S100Z: variants seen among roughly 807,000 people sequenced by gnomAD.
S100Z encodes protein S100-Z.
In S100Z, 11 loss-of-function variants were observed where a neutral mutation model predicts 8.5. The ratio of observed to expected loss-of-function variants is 1.30; its 90% confidence interval spans 0.82 to 2.15. The LOEUF is 2.15. S100Z is among the 30% of genes most tolerant of loss of function. S100Z has a pLI of 0.00. For synonymous variants in S100Z, 34 were observed against 43.8 expected (o/e 0.78, Z 0.89); for missense variants, 126 against 117.9 (o/e 1.07, Z -0.32).
At chr5:76,875,182 C>A in intron 2 of S100Z, 122 bp from the exon 3 acceptor site, 2 of 529,014 alleles carry the variant, frequency 3.8e-6, no homozygotes, top group Non-Finnish European at 3.2e-6. Context: ...TGAGCCACCG[C>A]GCCTGCGCAG....
At chr5:76,923,139 C>A (rs1472340053), downstream of S100Z, among the ~76,000 whole-genome samples, 1 of 152,050 alleles carries the variant, frequency 6.6e-6, no homozygotes, top group Non-Finnish European at 1.5e-5. Flanking sequence ...CAAAACATCT[C>A]TTTTTACATT....
intron 4 of S100Z, among the ~76,000 whole-genome samples, chr5:76,897,541 G>A (rs748283879): frequency 2.6e-5 from 4 of 151,872 alleles, no homozygotes; most frequent in Non-Finnish European, 5.9e-5. Flanking sequence ...ATCTTGATAA[G>A]GATTGCATTG....
At chr5:76,868,417 T>C (rs1184676718) in intron 1 of S100Z, among the ~76,000 whole-genome samples, 1 of 152,170 alleles carries the variant, frequency 6.6e-6, no homozygotes, top group African/African-American at 2.4e-5. Context: ...TGAATCAAAT[T>C]ACAGCATTAC....
intron 4 of S100Z, among the ~76,000 whole-genome samples, chr5:76,916,107 G>A (rs569060320): frequency 2.4e-3 from 364 of 149,380 alleles, no homozygotes; most frequent in African/African-American, 8.2e-3. Flanking sequence ...GTTGCAGTGA[G>A]CCGAGATTGT....
At chr5:76,875,922 C>T (rs1743176917) in intron 3 of S100Z, among the ~76,000 whole-genome samples, 1 of 152,060 alleles carries the variant, frequency 6.6e-6, no homozygotes, top group Non-Finnish European at 1.5e-5. Flanking sequence ...GCTATGGTGG[C>T]AAATTTTCTA....
chr5:76,885,061 A>G (rs1423978266), intron 4 of S100Z, among the ~76,000 whole-genome samples: 1 of 152,204 alleles, frequency 6.6e-6, no homozygotes, highest in Non-Finnish European at 1.5e-5. Context: ...AGAAATCATA[A>G]GTGCCGTTTT....
the S100Z span, among the ~76,000 whole-genome samples, chr5:76,942,950 C>T: frequency 1.3e-5 from 2 of 152,196 alleles, no homozygotes; most frequent in African/African-American, 4.8e-5. Context: ...AAACAACAGT[C>T]ATTTATTATC....
At chr5:76,903,640 A>T in intron 4 of S100Z, among the ~76,000 whole-genome samples, 1 of 151,948 alleles carries the variant, frequency 6.6e-6, no homozygotes, top group Middle Eastern at 3.4e-3. Flanking sequence ...GTGTTATCTC[A>T]TTGTAATTTT....
chr5:76,924,815 A>C (rs1745108029), downstream of S100Z, among the ~76,000 whole-genome samples: 1 of 152,030 alleles, frequency 6.6e-6, no homozygotes, highest in African/African-American at 2.4e-5. Flanking sequence ...CTGGAGGCTG[A>C]GGTAGGAGAA....
intron 4 of S100Z, among the ~76,000 whole-genome samples, chr5:76,884,811 G>A (rs549719725): frequency 5.7e-4 from 87 of 152,222 alleles, no homozygotes; most frequent in Middle Eastern, 3.4e-3. Flanking sequence ...CTGGCGAGGA[G>A]CAGCCTGGGG....
intron 4 of S100Z, among the ~76,000 whole-genome samples, chr5:76,884,452 C>T (rs974581072): frequency 8.5e-5 from 13 of 152,262 alleles, no homozygotes; most frequent in Admixed American, 2.0e-4. Context: ...AAACTCTTTC[C>T]CATTCATCCG....
the S100Z span, among the ~76,000 whole-genome samples, chr5:76,942,742 A>T: frequency 6.6e-6 from 1 of 152,156 alleles, no homozygotes; most frequent in African/African-American, 2.4e-5. Context: ...GTTTAGAAAT[A>T]GCCATCTGGG....
the S100Z span, among the ~76,000 whole-genome samples, chr5:76,931,801 A>C: frequency 1.3e-5 from 2 of 151,640 alleles, no homozygotes; most frequent in African/African-American, 2.4e-5. Flanking sequence ...GGTTTTTTTT[A>C]TTCTTCTTTT....
At chr5:76,931,871 AC>A in the S100Z span, among the ~76,000 whole-genome samples, 1 of 152,146 alleles carries the variant, frequency 6.6e-6, no homozygotes, top group South Asian at 2.1e-4. Context: ...CCATATATAC[AC>A]ATTCACACAC....
intron 1 of S100Z, among the ~76,000 whole-genome samples, chr5:76,863,660 TC>T: frequency 6.6e-6 from 1 of 152,060 alleles, no homozygotes. Flanking sequence ...TGCCTCAGCC[TC>T]CCAAGTAGCT....
chr5:76,913,711 C>T (rs1253263646), intron 4 of S100Z, among the ~76,000 whole-genome samples: 4 of 152,214 alleles, frequency 2.6e-5, no homozygotes, highest in African/African-American at 7.2e-5. Flanking sequence ...ATAGACTCTT[C>T]GGCGGCAGTG....
the S100Z span, among the ~76,000 whole-genome samples, chr5:76,947,688 C>T: frequency 5.9e-5 from 9 of 152,124 alleles, no homozygotes; most frequent in African/African-American, 2.2e-4. Flanking sequence ...TTGAGCAGAA[C>T]AGAGAGCCAG....
chr5:76,880,700 A>G (rs1221828674), intron 4 of S100Z, among the ~76,000 whole-genome samples: 1 of 152,228 alleles, frequency 6.6e-6, no homozygotes, highest in African/African-American at 2.4e-5. Flanking sequence ...ATCCAATTAC[A>G]GAGTGTCCAA....
chr5:76,888,507 C>T (rs1455505766), intron 4 of S100Z, among the ~76,000 whole-genome samples: 1 of 148,824 alleles, frequency 6.7e-6, no homozygotes, highest in Non-Finnish European at 1.5e-5. Context: ...TCCCAAGTAT[C>T]TGGGACTACA....
Sources: allele counts gnomAD v4.1 joint callset (sites outside exome capture counted in the v4.1 genomes callset), GRCh38; gene constraint gnomAD v4.1.1; transcripts MANE v1.5; gene names NCBI Gene and HGNC (gene_info 2026-07-23, HGNC 2026-07-21).